The following KCTD2 variants were observed in gnomAD, a reference collection of about 807,000 sequenced individuals.
KCTD2 encodes potassium channel tetramerization domain containing 2.
KCTD2 carries 18 observed loss-of-function variants against 27.9 expected under a neutral mutation model. That is an observed-to-expected ratio of 0.64 (90% confidence interval 0.45 to 0.96). The LOEUF (loss-of-function observed/expected upper bound fraction) is 0.96. Among genes scored for constraint, KCTD2 ranks in the 40% least tolerant of loss-of-function variants. KCTD2 has a pLI of 0.00. For missense variants in KCTD2, 280 were observed against 348.0 expected, an observed-to-expected ratio of 0.80 and a Z score of 1.56; for synonymous variants, 175 against 148.4, an observed-to-expected ratio of 1.18 and a Z score of -1.30.
chr17:75,053,442 G>A (rs1028262651), intron 3 of KCTD2, among the ~76,000 whole-genome samples: 3 of 150,380 alleles, frequency 2.0e-5, no homozygotes, highest in Admixed American at 6.6e-5. Flanking sequence ...CCCGTTGGCC[G>A]CTCTTTTTTT....
chr17:75,053,441 C>T (rs996830582), intron 3 of KCTD2, among the ~76,000 whole-genome samples: 4 of 150,570 alleles, frequency 2.7e-5, no homozygotes, highest in Admixed American at 6.6e-5. Flanking sequence ...ACCCGTTGGC[C>T]GCTCTTTTTT....
At chr17:75,054,886 A>G (rs993812161) in intron 3 of KCTD2, among the ~76,000 whole-genome samples, 10 of 152,174 alleles carry the variant, frequency 6.6e-5, no homozygotes, top group Middle Eastern at 3.4e-3. Context: ...TGTTTTAAGA[A>G]ACTGCAACTA....
At chr17:75,034,624 C>G (rs922828322) in intron 2 of KCTD2, among the ~76,000 whole-genome samples, 1 of 151,550 alleles carries the variant, frequency 6.6e-6, no homozygotes, top group Non-Finnish European at 1.5e-5. Context: ...CAGGATGAAC[C>G]GCTGGCTGGG....
chr17:75,033,344 T>C (rs958156474), intron 1 of KCTD2, among the ~76,000 whole-genome samples: 5 of 152,016 alleles, frequency 3.3e-5, no homozygotes. Context: ...TTGTTAGAAT[T>C]AGGGTGAAAT....
rs774651758 is a variant in KCTD2 at position 75,059,599 on chromosome 17, C to T, written c.630C>T (p.Phe210=). 7 of 1,613,054 alleles carry T rather than the reference C, an allele frequency of 4.3e-6. No individual in the cohort carries two copies. Among genetic ancestry groups the T allele is most frequent in the Middle Eastern group, 1.6e-4 (1 of 6,076 alleles). ...CCACGATGTCCGACGGCTGGAAATT[C>T]GAACAGGTACATCTCTTAACAGAGC... is the stretch of plus-strand genomic sequence containing the variant. ...MVSTMSDGWK[F]EQLISIGSSY... The change falls in exon 4 of 6, where the codon TTC becomes TTT. Residue 210 remains phenylalanine (F), a synonymous_variant. Transcript: ENST00000322444.
At chr17:75,059,641 G>T (rs191095843) in intron 4 of KCTD2, 36 bp downstream of exon 4, 2 of 1,493,514 alleles carry the variant, frequency 1.3e-6, no homozygotes. Flanking sequence ...CCCAGGCCCC[G>T]TTCAAGGGGT....
chr17:75,047,301 C>T lies in KCTD2; in HGVS notation c.51C>T (p.Gly17=), dbSNP rs977862016. 1.5e-4 allele frequency: 89 copies of T among 578,758 alleles called. No homozygotes were observed. The East Asian group carries it at 0.011, about 74-fold the overall frequency. 35.9% of individuals were successfully genotyped at this position (578,758 alleles called of 1,614,324 possible). A position where few individuals can be genotyped will look rare whatever the true frequency, so the allele number is the denominator to read the frequency against. Residue 17 remains glycine (G), a synonymous_variant, in exon 1 of 6, where the codon GGC becomes GGT. Transcript: ENST00000322444. ...DPAMAGLGGG[G]GSGVGDGGGP... ...CGATGGCGGGGCTGGGAGGGGGCGG[C>T]GGGAGTGGGGTGGGCGACGGGGGTG...
intron 3 of KCTD2, among the ~76,000 whole-genome samples, chr17:75,058,755 G>A (rs919861483): frequency 3.8e-4 from 58 of 151,410 alleles, no homozygotes; most frequent in Non-Finnish European, 6.6e-4. Flanking sequence ...CTGAGATCGC[G>A]CCACTGTACT....
intron 3 of KCTD2, among the ~76,000 whole-genome samples, chr17:75,054,268 C>T (rs2073325804): frequency 6.6e-6 from 1 of 152,116 alleles, no homozygotes; most frequent in South Asian, 2.1e-4. Flanking sequence ...CCACCTCATC[C>T]TCCCAAAGTT....
chr17:75,053,255 C>T, intron 3 of KCTD2, 150 bp downstream of exon 3: 1 of 641,226 alleles, frequency 1.6e-6, no homozygotes, highest in Non-Finnish European at 2.8e-6. Flanking sequence ...AGCCAAACTG[C>T]ACAGGAGAAA....
intron 4 of KCTD2, 133 bp from the exon 5 acceptor site, chr17:75,061,985 TCA>T: frequency 1.1e-6 from 1 of 944,774 alleles, no homozygotes; most frequent in Non-Finnish European, 1.6e-6. Context: ...GCTTTGGTAG[TCA>T]CAGAGAACTC....
At position 75,038,205 on chromosome 17, in the gene KCTD2, C is replaced by G. The variant is rs1377611010; in HGVS notation, c.-259+2848C>G. 2.0e-5 allele frequency among the ~76,000 whole-genome samples: 3 copies of G among 152,018 alleles called. No homozygotes were observed. In the East Asian group the frequency reaches 5.8e-4, roughly 29 times the overall value. On this transcript the variant is annotated intron_variant, in intron 3 of 7. Transcript: ENST00000581589. ...GCACGATCTTGGCTCACTGCAACCT[C>G]TGCCTCCCAGGTTCAATCAAGCCTC...
chr17:75,037,881 C>T (rs554966687), intron 3 of KCTD2, among the ~76,000 whole-genome samples: 1 of 152,024 alleles, frequency 6.6e-6, no homozygotes, highest in East Asian at 2.0e-4. Context: ...AACCCCGTCT[C>T]TACTAAAAAT....
chr17:75,064,848 A>G lies in KCTD2; in HGVS notation c.*1801A>G, dbSNP rs2073441127. ...GAAGGACTGCTCTGAGCCGGGTAGG[A>G]TGGAGGACTTTGGAAGAGGCGCTCC... On this transcript the variant is annotated 3_prime_UTR_variant, in exon 6 of 6. Coordinates refer to ENST00000322444, the MANE Select transcript of KCTD2 (RefSeq NM_015353.3). The G allele has an allele frequency of 6.6e-6, 1 of 152,186 alleles. No homozygotes were observed. The highest frequency in any genetic ancestry group is 2.1e-4 in the South Asian group (1 of 4,828). 9.4% of individuals were successfully genotyped at this position (152,186 alleles called of 1,614,324 possible).
rs1049537310 is a variant in KCTD2, at chr17:75,064,253, T to C, written c.*1206T>C. ...TCGGGCTGCATCCACAGAGTTTGTG[T>C]CCACACTTTCTCTCCGAGCATGTGG... is the stretch of plus-strand genomic sequence containing the variant. On this transcript the variant is annotated 3_prime_UTR_variant, in exon 6 of 6. Coordinates refer to ENST00000322444, the MANE Select transcript of KCTD2 (RefSeq NM_015353.3). The C allele has an allele frequency of 1.3e-5, 2 of 152,260 alleles. No homozygotes were observed. Among genetic ancestry groups the C allele is most frequent in the African/African-American group, 4.8e-5 (2 of 41,448 alleles). 9.4% of individuals were successfully genotyped at this position (152,260 alleles called of 1,614,324 possible). A position where few individuals can be genotyped will look rare whatever the true frequency, so the allele number is the denominator to read the frequency against.
chr17:75,035,573 C>T (rs1345141032), intron 3 of KCTD2, among the ~76,000 whole-genome samples: 2 of 138,734 alleles, frequency 1.4e-5, no homozygotes. Context: ...GTAATCCCAA[C>T]ACTTTGGGAG....
At position 75,047,237 on chromosome 17, in the gene KCTD2, G is replaced by A; in HGVS notation, c.-14G>A. ...GCTGCGCGCGGGCAGCAGCGGTGGCGGCGGCGGTCCAAGATGGCGGAACTG... is the reference window on the plus strand; with the variant it reads ...GCTGCGCGCGGGCAGCAGCGGTGGCAGCGGCGGTCCAAGATGGCGGAACTG... On this transcript the variant is annotated 5_prime_UTR_variant, in exon 1 of 6. Transcript: ENST00000322444. The A allele has an allele frequency of 3.3e-6, 3 of 903,170 alleles. No individual in the cohort carries two copies. Among genetic ancestry groups the A allele is most frequent in the African/African-American group, 1.7e-5 (1 of 57,160 alleles). 55.9% of individuals were successfully genotyped at this position (903,170 alleles called of 1,614,324 possible).
chr17:75,045,451 C>A (rs1250129755), upstream of KCTD2, among the ~76,000 whole-genome samples: 3 of 152,224 alleles, frequency 2.0e-5, no homozygotes, highest in African/African-American at 7.2e-5. Flanking sequence ...CTATGGGAGA[C>A]TGGAGTTTAT....
At chr17:75,062,938 C>T (rs935649785) in intron 5 of KCTD2, 80 bp from the exon 6 acceptor site, 72 of 1,458,034 alleles carry the variant, frequency 4.9e-5, no homozygotes, top group Middle Eastern at 3.5e-4. Flanking sequence ...TGCCACTCAT[C>T]GGGTCCAGTG....
Sources: allele counts gnomAD v4.1 joint callset (sites outside exome capture counted in the v4.1 genomes callset), GRCh38; gene constraint gnomAD v4.1.1; transcripts MANE v1.5; gene names NCBI Gene and HGNC (gene_info 2026-07-23, HGNC 2026-07-21).